The following LINGO2 variants were observed in gnomAD, a reference collection of about 807,000 sequenced individuals.
LINGO2 encodes leucine-rich repeat and immunoglobulin-like domain-containing nogo receptor-interacting protein 2.
LINGO2 carries 14 observed loss-of-function variants against 30.6 expected under a neutral mutation model. The observed-to-expected ratio is 0.46, with a 90% CI of 0.30 to 0.72. The LOEUF (loss-of-function observed/expected upper bound fraction) is 0.72. LINGO2 is among the 30% of genes least tolerant of loss of function. The pLI, the probability that LINGO2 is intolerant of heterozygous loss-of-function variation, is 0.07. For missense variants in LINGO2, 729 were observed against 751.7 expected (o/e 0.97, Z 0.35); for synonymous variants, 317 against 288.5 (o/e 1.10, Z -1.00).
chr9:28,756,449 G>A, the LINGO2 span, among the ~76,000 whole-genome samples: 37,689 of 151,810 alleles, frequency 0.25, 5,064 homozygotes, highest in East Asian at 0.43. Context: ...TTTTTTGGTT[G>A]ATGTTAGAAT....
intron 3 of LINGO2, among the ~76,000 whole-genome samples, chr9:28,331,553 T>C (rs1825419516): frequency 1.3e-5 from 2 of 152,096 alleles, no homozygotes; most frequent in Admixed American, 1.3e-4. Flanking sequence ...TCACCCAGGC[T>C]ACAGTGCAAT....
chr9:28,017,284 A>G lies in LINGO2; in HGVS notation c.-86-4879T>C, dbSNP rs535973662. On this transcript the variant is annotated intron_variant, in intron 4 of 5. Transcript: ENST00000379992. ...CATTCTCCTTGAGAACTAGAATACC[A>G]CAAGGATGCCCTTTCACTACTCCTA... Among the ~76,000 whole-genome samples, 3 of 152,300 alleles carry G rather than the reference A, an allele frequency of 2.0e-5. No homozygotes were observed. In the East Asian group the frequency reaches 5.8e-4, roughly 29 times the overall value.
the LINGO2 span, among the ~76,000 whole-genome samples, chr9:29,166,551 T>C: frequency 1.3e-3 from 201 of 152,248 alleles, no homozygotes; most frequent in Non-Finnish European, 1.9e-3. Flanking sequence ...AGAAGATAAC[T>C]ATCCAAGGCA....
At chr9:28,194,342 A>G (rs550479809) in intron 4 of LINGO2, among the ~76,000 whole-genome samples, 18 of 152,174 alleles carry the variant, frequency 1.2e-4, no homozygotes, top group Non-Finnish European at 2.9e-5. Flanking sequence ...TCTTTTACCA[A>G]TACTAACCTA....
chr9:28,295,004 A>G (rs895651209), intron 4 of LINGO2, among the ~76,000 whole-genome samples: 3 of 152,192 alleles, frequency 2.0e-5, no homozygotes, highest in African/African-American at 7.2e-5. Context: ...ATCTTAAAAT[A>G]GCTCCTTTCT....
chr9:28,179,614 T>C (rs926849495), intron 4 of LINGO2, among the ~76,000 whole-genome samples: 1 of 142,076 alleles, frequency 7.0e-6, no homozygotes, highest in African/African-American at 2.6e-5. Flanking sequence ...AGTGTATATA[T>C]ACTATATATA....
chr9:28,844,312 A>C, the LINGO2 span, among the ~76,000 whole-genome samples: 1 of 151,814 alleles, frequency 6.6e-6, no homozygotes, highest in South Asian at 2.1e-4. Flanking sequence ...CAGTGAGCCA[A>C]GATCATGCCA....
At chr9:28,774,592 TA>T in the LINGO2 span, among the ~76,000 whole-genome samples, 18,537 of 148,664 alleles carry the variant, frequency 0.12, 1,266 homozygotes, top group African/African-American at 0.18. Context: ...GCTCTGAACT[TA>T]AAAAAAAAAG....
intron 2 of LINGO2, among the ~76,000 whole-genome samples, chr9:28,398,672 G>A (rs913708931): frequency 2.3e-4 from 35 of 152,090 alleles, no homozygotes; most frequent in African/African-American, 8.2e-4. Context: ...GAAACTGTAT[G>A]TTAGAGCAGG....
At chr9:28,556,756 G>A (rs1380029673) in intron 1 of LINGO2, among the ~76,000 whole-genome samples, 2 of 151,496 alleles carry the variant, frequency 1.3e-5, no homozygotes, top group Non-Finnish European at 2.9e-5. Context: ...ATACTACAAG[G>A]CTACAGTAAC....
At chr9:29,133,669 C>A in the LINGO2 span, among the ~76,000 whole-genome samples, 3,911 of 152,144 alleles carry the variant, frequency 0.026, 154 homozygotes, top group African/African-American at 0.088. Flanking sequence ...TATTTATTGG[C>A]AACAATAGTG....
At chr9:27,956,979 T>C (rs2150994) in intron 5 of LINGO2, among the ~76,000 whole-genome samples, 84,417 of 151,900 alleles carry the variant, frequency 0.56, 24,721 homozygotes, top group South Asian at 0.63. Context: ...TCTGTATTCC[T>C]AGCTACTCAG....
chr9:28,930,926 G>A, the LINGO2 span, among the ~76,000 whole-genome samples: 1 of 152,210 alleles, frequency 6.6e-6, no homozygotes, highest in African/African-American at 2.4e-5. The surrounding 1 kb of genome is among the most constrained non-coding windows in gnomAD (Gnocchi z 4.2). Context: ...TTCATTATAT[G>A]TTATTTAAAT....
the LINGO2 span, among the ~76,000 whole-genome samples, chr9:28,840,975 A>G: frequency 5.3e-5 from 8 of 151,810 alleles, no homozygotes; most frequent in Non-Finnish European, 1.0e-4. Context: ...TCCTTGAGTG[A>G]AATGTTTTTC....
the LINGO2 span, among the ~76,000 whole-genome samples, chr9:28,810,273 A>G: frequency 2.6e-5 from 4 of 152,220 alleles, no homozygotes; most frequent in Admixed American, 2.0e-4. Flanking sequence ...ATCTTAAAAT[A>G]CATTTATAAA....
chr9:28,835,533 C>T, the LINGO2 span, among the ~76,000 whole-genome samples: 3 of 152,100 alleles, frequency 2.0e-5, no homozygotes, highest in African/African-American at 2.4e-5. Flanking sequence ...ATTTGTTTGA[C>T]TAAAGAGAGA....
At chr9:28,497,469 C>A (rs576835139) in intron 1 of LINGO2, among the ~76,000 whole-genome samples, 2 of 152,266 alleles carry the variant, frequency 1.3e-5, no homozygotes, top group South Asian at 4.1e-4. Context: ...GAAGCTTGTG[C>A]ATTCGTCATG....
intron 1 of LINGO2, among the ~76,000 whole-genome samples, chr9:28,538,438 T>C (rs1048307863): frequency 6.6e-6 from 1 of 152,056 alleles, no homozygotes; most frequent in African/African-American, 2.4e-5. Flanking sequence ...TTAACACAAG[T>C]ATTAAATCAT....
chr9:28,549,566 T>C (rs1822161202), intron 1 of LINGO2, among the ~76,000 whole-genome samples: 1 of 152,036 alleles, frequency 6.6e-6, no homozygotes, highest in Non-Finnish European at 1.5e-5. Context: ...CAGTTTACAG[T>C]TGCAGTAGCA....
Sources: allele counts gnomAD v4.1 joint callset (sites outside exome capture counted in the v4.1 genomes callset), GRCh38; gene constraint gnomAD v4.1.1; non-coding constraint Gnocchi (gnomAD v3.1); transcripts MANE v1.5; gene names NCBI Gene and HGNC (gene_info 2026-07-23, HGNC 2026-07-21).